KIAA0232: variants seen among roughly 807,000 people sequenced by gnomAD.
The protein encoded by KIAA0232 is KIAA0232.
A neutral mutation model predicts 122.0 loss-of-function variants in KIAA0232; 27 were observed. The observed-to-expected ratio is 0.22, with a 90% CI of 0.16 to 0.31. The LOEUF is 0.31. Ranked by LOEUF, KIAA0232 falls within the 10% of genes least tolerant of loss-of-function variation. The pLI is 1.00. For synonymous variants in KIAA0232, 613 were observed against 587.6 expected, an observed-to-expected ratio of 1.04 and a Z score of -0.63; for missense variants, 1,551 against 1,634.2, an observed-to-expected ratio of 0.95 and a Z score of 0.88.
chr4:6,789,813 G>T (rs1169513527), intron 1 of KIAA0232, among the ~76,000 whole-genome samples: 1 of 152,150 alleles, frequency 6.6e-6, no homozygotes, highest in East Asian at 1.9e-4. Context: ...GATCACTTGA[G>T]CCCAGGAGTT....
rs573856467 is a variant in KIAA0232 at position 6,832,385 on chromosome 4, G to T, written c.231+7701G>T. Among the ~76,000 whole-genome samples the T allele has an allele frequency of 2.8e-5, 4 of 144,180 alleles. No individual in the cohort carries two copies. The East Asian group carries it at 8.1e-4, about 29-fold the overall frequency. 94.6% of individuals were successfully genotyped at this position (144,180 alleles called of 152,430 possible). On this transcript the variant is annotated intron_variant, in intron 3 of 9. Transcript: ENST00000307659. ...TTTTTTGGAGAGGGACTCTTGCTGT[G>T]TTGCCTAGGCTGGAGTGTAGTGGCG... is the stretch of plus-strand genomic sequence containing the variant.
intron 1 of KIAA0232, among the ~76,000 whole-genome samples, chr4:6,797,111 T>C (rs905349223): frequency 2.4e-4 from 37 of 152,272 alleles, no homozygotes; most frequent in Non-Finnish European, 1.0e-4. Flanking sequence ...TATTTTATTA[T>C]TTCATTTCCC....
At chr4:6,879,141 G>A (rs959558468) in intron 9 of KIAA0232, among the ~76,000 whole-genome samples, 1 of 152,036 alleles carries the variant, frequency 6.6e-6, no homozygotes. Context: ...CAGCTGCCAT[G>A]GTCTTTTCAT....
At chr4:6,870,967 A>T (rs1054461575) in intron 7 of KIAA0232, among the ~76,000 whole-genome samples, 1 of 152,196 alleles carries the variant, frequency 6.6e-6, no homozygotes, top group African/African-American at 2.4e-5. Context: ...GGAATCTAGA[A>T]GTTTGCCTTG....
At chr4:6,836,803 G>T (rs1006735049) in intron 3 of KIAA0232, among the ~76,000 whole-genome samples, 2 of 151,944 alleles carry the variant, frequency 1.3e-5, no homozygotes, top group African/African-American at 4.8e-5. Flanking sequence ...ATCTTGCACC[G>T]CCCTTAATCC....
At chr4:6,834,451 T>C (rs926641643) in intron 3 of KIAA0232, among the ~76,000 whole-genome samples, 1 of 152,214 alleles carries the variant, frequency 6.6e-6, no homozygotes, top group African/African-American at 2.4e-5. Context: ...CAAATAGTTA[T>C]TTTCCTATTA....
chr4:6,813,690 T>C lies in KIAA0232; in HGVS notation c.-270+9084T>C, dbSNP rs866292538. The stretch of plus-strand genomic sequence containing the variant: ...TCTGTTGTTTTTTTCTCCCCCTTAA[T>C]GGACAAACCATTTGGGGTTTATTAT... On this transcript the variant is annotated intron_variant, in intron 2 of 9. Transcript: ENST00000307659. Among the ~76,000 whole-genome samples, 62 of 152,232 alleles carry C rather than the reference T, an allele frequency of 4.1e-4. 1 individual carries two copies. The Middle Eastern group carries it at 0.01, about 25-fold the overall frequency.
intron 2 of KIAA0232, among the ~76,000 whole-genome samples, chr4:6,811,467 G>A (rs1016477397): frequency 6.6e-6 from 1 of 152,128 alleles, no homozygotes. Flanking sequence ...TTCTGAGACA[G>A]GGTCTCACTC....
At chr4:6,812,958 A>G (rs1204151134) in intron 2 of KIAA0232, among the ~76,000 whole-genome samples, 2 of 152,216 alleles carry the variant, frequency 1.3e-5, no homozygotes, top group Admixed American at 6.5e-5. Context: ...TGTATTACAA[A>G]AAAGGGAACT....
chr4:6,871,759 A>C, intron 8 of KIAA0232, 77 bp downstream of exon 8: 1 of 896,902 alleles, frequency 1.1e-6, no homozygotes, highest in East Asian at 2.5e-5. Flanking sequence ...TTTTCTATGA[A>C]TATCAGTCCA....
chr4:6,870,749 C>T lies in KIAA0232; in HGVS notation c.3802-825C>T, dbSNP rs192262824. 6.0e-3 allele frequency among the ~76,000 whole-genome samples: 911 copies of T among 151,142 alleles called. 4 individuals carry two copies. The highest frequency in any genetic ancestry group is 0.015 in the Admixed American group (227 of 15,174). On this transcript the variant is annotated intron_variant, in intron 7 of 9. Transcript: ENST00000307659. ...CACTGGAGGCAGAAGTTGCAGTGAGCTGAGATCGTGCCACTGCACTCCAGC... is the reference window on the plus strand; with the variant it reads ...CACTGGAGGCAGAAGTTGCAGTGAGTTGAGATCGTGCCACTGCACTCCAGC...
chr4:6,809,962 C>T (rs902704445), intron 2 of KIAA0232, among the ~76,000 whole-genome samples: 2 of 152,124 alleles, frequency 1.3e-5, no homozygotes, highest in South Asian at 2.1e-4. Flanking sequence ...ATCCAATGCT[C>T]ATGGATTGGA....
chr4:6,861,360 A>T lies in KIAA0232; in HGVS notation c.978A>T (p.Lys326Asn). 1 of 1,614,176 alleles carries T rather than the reference A, an allele frequency of 6.2e-7. No individual in the cohort carries two copies. Among genetic ancestry groups the T allele is most frequent in the South Asian group, 1.1e-5 (1 of 91,086 alleles). Residue 326 changes from lysine (K) to asparagine (N), a missense_variant, in exon 7 of 10, where the codon AAA (lysine) becomes AAT (asparagine). Lys to Asn is a moderately conservative substitution (Grantham distance 94). Coordinates refer to ENST00000307659, the MANE Select transcript of KIAA0232 (RefSeq NM_014743.3). ...RHKAREIRNK[K>N]GRNGQSRLSL... is the part of the protein sequence containing the mutation. ...AGGCACGAGAGATTCGAAACAAAAA[A>T]GGGCGGAATGGGCAAAGCAGGCTTT...
intron 1 of KIAA0232, among the ~76,000 whole-genome samples, chr4:6,792,788 C>T (rs888627937): frequency 6.7e-6 from 1 of 149,038 alleles, no homozygotes; most frequent in Non-Finnish European, 1.5e-5. Context: ...CTCCTGGGTT[C>T]ACGCCATTCT....
At chr4:6,876,561 T>C in intron 8 of KIAA0232, 99 bp from the exon 9 acceptor site, 2 of 865,678 alleles carry the variant, frequency 2.3e-6, no homozygotes, top group Non-Finnish European at 3.7e-6. Flanking sequence ...TGATGTAGCT[T>C]TTTAGTGAAA....
chr4:6,789,547 C>T (rs1304526208), intron 1 of KIAA0232, among the ~76,000 whole-genome samples: 1 of 152,146 alleles, frequency 6.6e-6, no homozygotes, highest in Non-Finnish European at 1.5e-5. Flanking sequence ...GCTGGGATTA[C>T]AGGTGTGAGC....
chr4:6,838,540 T>TAGTATTCTAATATCCAGAATC (rs1460779322), intron 3 of KIAA0232, among the ~76,000 whole-genome samples: 8 of 152,152 alleles, frequency 5.3e-5, no homozygotes, highest in Non-Finnish European at 1.0e-4. Flanking sequence ...GGGAGTATTC[T>TAGTATTCTAATATCCAGAATC]AGGTCTGACT....
At chr4:6,818,274 A>G (rs945275215) in intron 2 of KIAA0232, among the ~76,000 whole-genome samples, 1 of 151,698 alleles carries the variant, frequency 6.6e-6, no homozygotes, top group Admixed American at 6.6e-5. Flanking sequence ...GGTGGTGGGC[A>G]TCTGTAATCC....
intron 8 of KIAA0232, among the ~76,000 whole-genome samples, chr4:6,875,779 G>A (rs1721718209): frequency 6.6e-6 from 1 of 152,208 alleles, no homozygotes; most frequent in African/African-American, 2.4e-5. Flanking sequence ...CAAAACCCTG[G>A]CCAAGTTCCT....
Sources: allele counts gnomAD v4.1 joint callset (sites outside exome capture counted in the v4.1 genomes callset), GRCh38; gene constraint gnomAD v4.1.1; transcripts MANE v1.5; gene names NCBI Gene and HGNC (gene_info 2026-07-23, HGNC 2026-07-21).